Variants in NRG1 observed in about 807,000 individuals in gnomAD.
NRG1 encodes the protein neuregulin 1.
A neutral mutation model predicts 63.8 loss-of-function variants in NRG1; 18 were observed. The observed-to-expected ratio is 0.28, with a 90% confidence interval of 0.19 to 0.42. The LOEUF (loss-of-function observed/expected upper bound fraction) is 0.42. Among genes scored for constraint, NRG1 ranks in the 10% least tolerant of loss-of-function variants. The probability of loss-of-function intolerance (pLI) is 1.00; values close to 1 mark genes in which losing one functional copy is unlikely to be tolerated. For missense variants in NRG1, 762 were observed against 814.7 expected, an observed-to-expected ratio of 0.94 and a Z score of 0.79; for synonymous variants, 302 against 301.3, an observed-to-expected ratio of 1.00 and a Z score of -0.02.
intron 1 of NRG1, among the ~76,000 whole-genome samples, chr8:32,390,593 A>T (rs1811608705): frequency 9.6e-6 from 1 of 104,676 alleles, no homozygotes; most frequent in African/African-American, 3.7e-5. Flanking sequence ...ACAGAGCGAG[A>T]CCCTGTCTTA....
chr8:31,869,669 A>G (rs951468603), intron 1 of NRG1, among the ~76,000 whole-genome samples: 1 of 152,222 alleles, frequency 6.6e-6, no homozygotes, highest in Non-Finnish European at 1.5e-5. Flanking sequence ...GGTTAGGTAC[A>G]TAGGAAATAT....
At chr8:32,064,832 A>G (rs188033637) in intron 1 of NRG1, among the ~76,000 whole-genome samples, 32 of 152,258 alleles carry the variant, frequency 2.1e-4, no homozygotes, top group Non-Finnish European at 3.2e-4. Flanking sequence ...AACTTTATGT[A>G]CCTATTACAT....
At chr8:31,956,651 G>A (rs1217325216) in intron 1 of NRG1, among the ~76,000 whole-genome samples, 3 of 152,136 alleles carry the variant, frequency 2.0e-5, no homozygotes, top group Non-Finnish European at 2.9e-5. Flanking sequence ...TGTGAGCCAA[G>A]CGCTCTACTT....
intron 1 of NRG1, among the ~76,000 whole-genome samples, chr8:32,441,658 A>G (rs536146439): frequency 2.6e-5 from 4 of 152,218 alleles, no homozygotes; most frequent in South Asian, 2.1e-4. Context: ...AAAAATATCT[A>G]GACAATTTCT....
At chr8:31,646,816 C>T (rs1015477880) in intron 1 of NRG1, among the ~76,000 whole-genome samples, 4 of 152,214 alleles carry the variant, frequency 2.6e-5, no homozygotes, top group African/African-American at 9.6e-5. Flanking sequence ...TTTCTCTTCT[C>T]ATCTCTGATA....
intron 1 of NRG1, among the ~76,000 whole-genome samples, chr8:31,743,328 C>T (rs1345409232): frequency 6.6e-6 from 1 of 151,862 alleles, no homozygotes; most frequent in Non-Finnish European, 1.5e-5. Flanking sequence ...AGTGCATAGC[C>T]CCATGCCTAT....
At chr8:32,558,605 C>T (rs1436413747) in intron 1 of NRG1, among the ~76,000 whole-genome samples, 2 of 152,156 alleles carry the variant, frequency 1.3e-5, no homozygotes, top group East Asian at 1.9e-4. Flanking sequence ...TCTGATATCA[C>T]AGGACTCTAT....
At chr8:31,673,662 T>C (rs1443512313) in intron 1 of NRG1, among the ~76,000 whole-genome samples, 1 of 152,182 alleles carries the variant, frequency 6.6e-6, no homozygotes, top group African/African-American at 2.4e-5. Flanking sequence ...GGTCTTTTAC[T>C]CTTTTGTCAT....
chr8:32,106,470 T>C (rs1831276447), intron 1 of NRG1, among the ~76,000 whole-genome samples: 1 of 152,188 alleles, frequency 6.6e-6, no homozygotes, highest in African/African-American at 2.4e-5. Context: ...AAGACATGAA[T>C]CTGATAGTCT....
At chr8:32,264,360 TA>T (rs1317785670) in intron 1 of NRG1, among the ~76,000 whole-genome samples, 1 of 151,992 alleles carries the variant, frequency 6.6e-6, no homozygotes, top group African/African-American at 2.4e-5. Flanking sequence ...ATTTTCTTTT[TA>T]AAAAAAGAAA....
intron 1 of NRG1, among the ~76,000 whole-genome samples, chr8:32,116,530 A>G (rs1000056846): frequency 2.6e-5 from 4 of 152,122 alleles, no homozygotes; most frequent in Non-Finnish European, 5.9e-5. Context: ...CTTGGACTCT[A>G]AAGAACTCTA....
intron 5 of NRG1, among the ~76,000 whole-genome samples, chr8:32,715,017 A>C (rs1182784308): frequency 1.3e-5 from 2 of 152,170 alleles, no homozygotes; most frequent in Non-Finnish European, 2.9e-5. Flanking sequence ...TCTGTTGCCC[A>C]GGCTGGAGTG....
chr8:31,707,256 G>A (rs62506918), intron 1 of NRG1, among the ~76,000 whole-genome samples: 31,203 of 151,882 alleles, frequency 0.21, 3,664 homozygotes, highest in Non-Finnish European at 0.26. Context: ...TTATTGAATT[G>A]ACTATCTTTT....
At chr8:32,221,256 A>G (rs868359382) in intron 1 of NRG1, 10 of 152,300 alleles carry the variant, frequency 6.6e-5, no homozygotes, top group African/African-American at 1.7e-4. Context: ...ACAGCAATGC[A>G]ATGTTTAGCT....
chr8:32,169,048 A>G (rs1419583447), intron 1 of NRG1, among the ~76,000 whole-genome samples: 4 of 152,194 alleles, frequency 2.6e-5, no homozygotes, highest in African/African-American at 7.2e-5. Flanking sequence ...CCTGTGGCCA[A>G]TGCTGATGTC....
At chr8:31,700,353 C>T (rs907031876) in intron 1 of NRG1, among the ~76,000 whole-genome samples, 2 of 152,086 alleles carry the variant, frequency 1.3e-5, no homozygotes, top group Non-Finnish European at 2.9e-5. Flanking sequence ...CATGAACAAA[C>T]CTTATTCAGT....
At chr8:32,659,148 T>TTC (rs1554622406) in intron 5 of NRG1, among the ~76,000 whole-genome samples, 4 of 135,212 alleles carry the variant, frequency 3.0e-5, no homozygotes, top group African/African-American at 9.2e-5. Context: ...TTTCTTTTCT[T>TTC]TTTTTTTTTT....
At chr8:32,322,502 C>A (rs916518739) in intron 1 of NRG1, among the ~76,000 whole-genome samples, 4 of 151,796 alleles carry the variant, frequency 2.6e-5, no homozygotes, top group Non-Finnish European at 5.9e-5. Flanking sequence ...AAATAGTCAC[C>A]ATTTCTGCCA....
At chr8:31,943,749 C>A (rs1156959083) in intron 1 of NRG1, among the ~76,000 whole-genome samples, 1 of 152,018 alleles carries the variant, frequency 6.6e-6, no homozygotes, top group East Asian at 1.9e-4. Flanking sequence ...AATATGTAGC[C>A]ATTTTTCTGG....
Sources: gnomAD v4.1 joint callset for allele counts (sites outside exome capture counted in the v4.1 genomes callset) on GRCh38, gnomAD v4.1.1 for gene constraint, MANE v1.5 for transcripts, NCBI Gene and HGNC (gene_info 2026-07-23, HGNC 2026-07-21) for gene names.